The following SRSF4 variants were observed in gnomAD, a reference collection of about 807,000 sequenced individuals.
SRSF4 encodes serine and arginine rich splicing factor 4.
A neutral mutation model predicts 48.8 loss-of-function variants in SRSF4; 12 were observed. The observed-to-expected ratio is 0.25, with a 90% CI of 0.16 to 0.40. SRSF4 has a LOEUF of 0.40. Among genes scored for constraint, SRSF4 ranks in the 10% least tolerant of loss-of-function variants. The pLI is 1.00. For synonymous variants in SRSF4, 248 were observed against 232.5 expected, an observed-to-expected ratio of 1.07 and a Z score of -0.61; for missense variants, 466 against 667.1, an observed-to-expected ratio of 0.70 and a Z score of 3.32.
chr1:29,148,234 G>A lies in SRSF4; in HGVS notation c.*176C>T, dbSNP rs1672336499. 3 of 924,618 alleles carry A rather than the reference G, an allele frequency of 3.2e-6. No individual in the cohort carries two copies. Among genetic ancestry groups the A allele is most frequent in the Non-Finnish European group, 5.1e-6 (3 of 586,444 alleles). 57.3% of individuals were successfully genotyped at this position (924,618 alleles called of 1,614,324 possible). On this transcript the variant is annotated 3_prime_UTR_variant, in exon 6 of 6. Coordinates refer to ENST00000373795, the MANE Select transcript of SRSF4 (RefSeq NM_005626.5). Reference sequence around the variant, plus strand: ...AAATTTTTTTCAGTCGAGCAGGAAGGCCTGGTGCCAGGAGGCTTTACTGAG... The same window carrying A: ...AAATTTTTTTCAGTCGAGCAGGAAGACCTGGTGCCAGGAGGCTTTACTGAG...
chr1:29,158,106 T>C lies in SRSF4; in HGVS notation c.363+1268A>G, dbSNP rs143551923. ...ACTACTTGAACCCCAGAGGCGGAGG[T>C]TGCAGTGAGCTGAGATGGCGCCACT... On this transcript the variant is annotated intron_variant, in intron 3 of 5. Transcript: ENST00000373795. Among the ~76,000 whole-genome samples, 10 of 151,498 alleles carry C rather than the reference T, an allele frequency of 6.6e-5. No homozygotes were observed. In the East Asian group the frequency reaches 1.4e-3, roughly 21 times the overall value.
intron 4 of SRSF4, among the ~76,000 whole-genome samples, chr1:29,150,884 C>T (rs1056645881): frequency 2.0e-5 from 3 of 152,202 alleles, no homozygotes; most frequent in Admixed American, 6.5e-5. Context: ...TGCTGCCTCT[C>T]TGGGCAAGCC....
intron 4 of SRSF4, among the ~76,000 whole-genome samples, chr1:29,154,089 T>C (rs376880725): frequency 6.6e-6 from 1 of 152,098 alleles, no homozygotes; most frequent in African/African-American, 2.4e-5. Flanking sequence ...GTTTCGCTCT[T>C]GTTGCCCAGG....
intron 1 of SRSF4, among the ~76,000 whole-genome samples, chr1:29,177,110 CTT>C (rs1672879741): frequency 6.6e-6 from 1 of 152,116 alleles, no homozygotes; most frequent in Non-Finnish European, 1.5e-5. Flanking sequence ...ACTCAAAATT[CTT>C]TCACACTTTA....
Position 29,156,085 on chromosome 1 carries a change from T to C in SRSF4, c.364-1175A>G, listed in dbSNP as rs1574192099. On this transcript the variant is annotated intron_variant, in intron 3 of 5. Transcript: ENST00000373795. ...GAAATTTATTTTTGGCCAGGTGCAGTGGCTCACACCTGTAATCCCAACACC... is the reference window on the plus strand; with the variant it reads ...GAAATTTATTTTTGGCCAGGTGCAGCGGCTCACACCTGTAATCCCAACACC... Among the ~76,000 whole-genome samples, 3 of 152,324 alleles carry C rather than the reference T, an allele frequency of 2.0e-5. No homozygotes were observed. In the South Asian group the frequency reaches 6.2e-4, roughly 32 times the overall value.
chr1:29,181,321 G>A (rs1458963580), intron 1 of SRSF4, among the ~76,000 whole-genome samples: 1 of 152,224 alleles, frequency 6.6e-6, no homozygotes, highest in Non-Finnish European at 1.5e-5. Context: ...CCAGTTCCGG[G>A]CCTAGGAAGG....
chr1:29,150,855 T>C (rs1412567922), intron 4 of SRSF4, among the ~76,000 whole-genome samples: 1 of 152,200 alleles, frequency 6.6e-6, no homozygotes, highest in African/African-American at 2.4e-5. Flanking sequence ...CTCCTGATCT[T>C]CGGTCTTTCT....
chr1:29,151,113 C>G (rs1221191257), intron 4 of SRSF4, among the ~76,000 whole-genome samples: 2 of 152,154 alleles, frequency 1.3e-5, no homozygotes, highest in African/African-American at 4.8e-5. Flanking sequence ...GGAAGTAGTA[C>G]ACAAAGATGG....
intron 1 of SRSF4, among the ~76,000 whole-genome samples, chr1:29,181,395 CGG>C (rs1444438910): frequency 6.6e-6 from 1 of 152,134 alleles, no homozygotes; most frequent in African/African-American, 2.4e-5. Context: ...CAGCCCCACT[CGG>C]GCTTTCCTTC....
At chr1:29,159,620 C>A (rs1672561890) in intron 2 of SRSF4, 134 bp from the exon 3 acceptor site, 1 of 485,400 alleles carries the variant, frequency 2.1e-6, no homozygotes, top group Non-Finnish European at 3.6e-6. Flanking sequence ...TATTCCCACC[C>A]TTAATTCTAA....
intron 1 of SRSF4, among the ~76,000 whole-genome samples, chr1:29,175,037 C>T (rs1300005429): frequency 6.6e-6 from 1 of 150,910 alleles, no homozygotes; most frequent in African/African-American, 2.4e-5. Flanking sequence ...CGTGCACATG[C>T]CCATACCTGT....
At chr1:29,152,898 G>A (rs1672434943) in intron 4 of SRSF4, among the ~76,000 whole-genome samples, 1 of 147,280 alleles carries the variant, frequency 6.8e-6, no homozygotes, top group Non-Finnish European at 1.5e-5. Flanking sequence ...CAGCCTGGGT[G>A]ACAGAGTGAA....
chr1:29,164,576 C>T (rs1008449), intron 1 of SRSF4, among the ~76,000 whole-genome samples: 45,595 of 152,126 alleles, frequency 0.3, 7,185 homozygotes, highest in Middle Eastern at 0.36. Context: ...ATAAGCCTCA[C>T]AAAACAACCC....
intron 5 of SRSF4, 105 bp downstream of exon 5, chr1:29,149,998 A>G: frequency 2.1e-6 from 2 of 944,256 alleles, no homozygotes; most frequent in South Asian, 2.9e-5. Flanking sequence ...ACTGGACTCC[A>G]GCTTGGGTGA....
In SRSF4 at chr1:29,156,726, G is replaced by GT. The variant is rs1319216209; in HGVS notation, c.364-1817dup. 5.3e-5 allele frequency among the ~76,000 whole-genome samples: 8 copies of GT among 152,140 alleles called. No individual in the cohort carries two copies. The East Asian group carries it at 9.6e-4, about 18-fold the overall frequency. ...AGACATGTAGAACCAACTAAGGGTG[G>GT]TAACTGTTGGGGACCAGCCTCAACA... is the stretch of plus-strand genomic sequence containing the variant. On this transcript the variant is annotated intron_variant, in intron 3 of 5. Transcript: ENST00000373795.
At chr1:29,177,787 C>T (rs1404761765) in intron 1 of SRSF4, among the ~76,000 whole-genome samples, 2 of 152,186 alleles carry the variant, frequency 1.3e-5, no homozygotes, top group East Asian at 3.9e-4. Flanking sequence ...GCTTACACAC[C>T]TCTTCTCCAA....
intron 4 of SRSF4, among the ~76,000 whole-genome samples, chr1:29,151,409 A>G (rs992238964): frequency 2.0e-5 from 3 of 152,216 alleles, no homozygotes; most frequent in Admixed American, 6.5e-5. Context: ...AGGCAGTAGG[A>G]TAGCTTGAAC....
chr1:29,160,125 C>A (rs1026339693), intron 2 of SRSF4: 7 of 388,124 alleles, frequency 1.8e-5, no homozygotes, highest in East Asian at 4.7e-5. Flanking sequence ...GAGAAAAAAA[C>A]AACAACAACA....
intron 1 of SRSF4, among the ~76,000 whole-genome samples, chr1:29,179,955 CTGAG>C (rs1213810630): frequency 1.3e-5 from 2 of 152,214 alleles, no homozygotes; most frequent in African/African-American, 4.8e-5. Flanking sequence ...ACACTATCAC[CTGAG>C]TAACATTAGA....
Sources: allele counts gnomAD v4.1 joint callset (sites outside exome capture counted in the v4.1 genomes callset), GRCh38; gene constraint gnomAD v4.1.1; transcripts MANE v1.5; gene names NCBI Gene and HGNC (gene_info 2026-07-23, HGNC 2026-07-21).